The following HNRNPC variants were observed in gnomAD, a reference collection of about 807,000 sequenced individuals.
HNRNPC encodes the protein heterogeneous nuclear ribonucleoproteins C1/C2.
HNRNPC carries 3 observed loss-of-function variants against 33.2 expected under a neutral mutation model. The ratio of observed to expected loss-of-function variants is 0.09; its 90% CI spans 0.04 to 0.23. HNRNPC has a LOEUF of 0.23. Ranked by LOEUF, HNRNPC falls within the 10% of genes least tolerant of loss-of-function variation. HNRNPC has a pLI of 1.00. For synonymous variants in HNRNPC, 121 were observed against 126.7 expected, an observed-to-expected ratio of 0.96 and a Z score of 0.30; for missense variants, 143 against 366.7, an observed-to-expected ratio of 0.39 and a Z score of 4.98.
At chr14:21,257,588 G>GT (rs1877451403) in intron 2 of HNRNPC, among the ~76,000 whole-genome samples, 1 of 151,058 alleles carries the variant, frequency 6.6e-6, no homozygotes, top group Admixed American at 6.6e-5. Context: ...GCTCACTTTT[G>GT]TTTTTTTACT....
At chr14:21,256,398 G>A (rs898303945) in intron 2 of HNRNPC, among the ~76,000 whole-genome samples, 5 of 151,822 alleles carry the variant, frequency 3.3e-5, no homozygotes, top group East Asian at 1.9e-4. Context: ...GCGGTGAGCC[G>A]AGCTCGCACC....
intron 5 of HNRNPC, among the ~76,000 whole-genome samples, chr14:21,230,103 T>G (rs1267818659): frequency 3.3e-5 from 5 of 152,164 alleles, no homozygotes; most frequent in Admixed American, 6.5e-5. Context: ...AGAAACGGGT[T>G]TCACCACGTT....
intron 1 of HNRNPC, among the ~76,000 whole-genome samples, chr14:21,267,896 C>T (rs981427989): frequency 1.3e-5 from 2 of 152,060 alleles, no homozygotes; most frequent in African/African-American, 2.4e-5. Context: ...AACAGTTCAG[C>T]ACAATGATAA....
At chr14:21,241,495 T>G (rs1324640785) in intron 2 of HNRNPC, among the ~76,000 whole-genome samples, 1 of 152,234 alleles carries the variant, frequency 6.6e-6, no homozygotes, top group Non-Finnish European at 1.5e-5. Context: ...CACAATTTCT[T>G]AAGTTTCTGA....
At chr14:21,231,174 G>C (rs1594245262) in intron 3 of HNRNPC, 102 bp from the exon 4 acceptor site, 2 of 1,181,288 alleles carry the variant, frequency 1.7e-6, no homozygotes, top group African/African-American at 3.0e-5. Context: ...TCGCTTTCTC[G>C]CTCAGGCTGG....
rs557093260 is a variant in HNRNPC, at chr14:21,211,310, T to C, written c.799-4A>G. On this transcript the variant is annotated splice_polypyrimidine_tract_variant and splice_region_variant and intron_variant, in intron 8 of 8. Coordinates refer to ENST00000553300, the MANE Select transcript of HNRNPC (RefSeq NM_004500.4). ...CATCATCCTTGATCAACTCCAGCTG[T>C]GAGAAACAGACACAAACAGGATGGA... 16 of 1,613,422 alleles carry C rather than the reference T, an allele frequency of 9.9e-6. No individual in the cohort carries two copies. The South Asian group carries it at 1.8e-4, about 18-fold the overall frequency.
At chr14:21,229,666 A>AT (rs1893890280) in intron 5 of HNRNPC, among the ~76,000 whole-genome samples, 1 of 152,208 alleles carries the variant, frequency 6.6e-6, no homozygotes, top group African/African-American at 2.4e-5. Context: ...TGCATGACTG[A>AT]TTAACTCAGT....
intron 4 of HNRNPC, 43 bp from the exon 5 acceptor site, chr14:21,230,409 T>C (rs1335240637): frequency 6.9e-7 from 1 of 1,454,982 alleles, no homozygotes; most frequent in Non-Finnish European, 9.6e-7. Flanking sequence ...GAAATGTTTC[T>C]ACTAATTCAC....
chr14:21,243,270 G>A (rs1284249086), intron 2 of HNRNPC, among the ~76,000 whole-genome samples: 1 of 152,032 alleles, frequency 6.6e-6, no homozygotes, highest in Non-Finnish European at 1.5e-5. Flanking sequence ...ATTCTTAGGA[G>A]ATGCAGCCAC....
rs1162241610 is a variant in HNRNPC at position 21,210,087 on chromosome 14, C to T, written c.*1136G>A. 1.3e-5 allele frequency: 2 copies of T among 152,152 alleles called. No homozygotes were observed. Among genetic ancestry groups the T allele is most frequent in the Non-Finnish European group, 2.9e-5 (2 of 68,024 alleles). The allele number at this position is 152,152 out of a possible 1,614,324, so 9.4% of individuals were successfully genotyped here. A position where few individuals can be genotyped will look rare whatever the true frequency, so the allele number is the denominator to read the frequency against. ...TTTCAGGAACATGGAGGTATATACA[C>T]TTCAGAATTCAGAAGGTAACTGGGG... On this transcript the variant is annotated 3_prime_UTR_variant, in exon 9 of 9. Coordinates refer to ENST00000553300, the MANE Select transcript of HNRNPC (RefSeq NM_004500.4).
chr14:21,234,861 G>A (rs1041393231), intron 2 of HNRNPC: 5 of 111,272 alleles, frequency 4.5e-5, no homozygotes, highest in African/African-American at 1.3e-4. Flanking sequence ...TTAATCTGCA[G>A]TATGCTTTAG....
In HNRNPC at chr14:21,213,105, G is replaced by A. The variant is rs1457248155; in HGVS notation, c.378C>T (p.Tyr126=). Residue 126 remains tyrosine (Y), a synonymous_variant, in exon 6 of 9, where the codon TAC becomes TAT. Coordinates refer to ENST00000553300, the MANE Select transcript of HNRNPC (RefSeq NM_004500.4). ...GAGGAGGAGGAGGTACACGTGCTGGGTAACTGTACATCCTATTGGATAAGA... is the reference window on the plus strand; with the variant it reads ...GAGGAGGAGGAGGTACACGTGCTGGATAACTGTACATCCTATTGGATAAGA... ...QRDYYDRMYS[Y]PARVPPPPPI... is the part of the protein sequence containing the mutation. 3.1e-6 allele frequency: 5 copies of A among 1,614,110 alleles called. No homozygotes were observed. The Admixed American group carries it at 5.0e-5, about 16-fold the overall frequency.
chr14:21,218,209 C>T (rs1371178054), intron 5 of HNRNPC, among the ~76,000 whole-genome samples: 1 of 152,172 alleles, frequency 6.6e-6, no homozygotes, highest in African/African-American at 2.4e-5. Context: ...AGTGATCCAC[C>T]AGCCTCACCC....
At chr14:21,266,542 C>T (rs949022119) in intron 1 of HNRNPC, among the ~76,000 whole-genome samples, 1 of 151,546 alleles carries the variant, frequency 6.6e-6, no homozygotes, top group African/African-American at 2.4e-5. Context: ...ACCAAAGAAA[C>T]CTTTTTTCCT....
intron 4 of HNRNPC, chr14:21,230,734 A>G: frequency 3.9e-6 from 2 of 507,226 alleles, no homozygotes; most frequent in Non-Finnish European, 6.9e-6. Context: ...TATGCTATAA[A>G]TATCAAACTA....
chr14:21,211,081 G>A lies in HNRNPC; in HGVS notation c.*142C>T. 4.3e-6 allele frequency: 4 copies of A among 929,926 alleles called. No homozygotes were observed. Among genetic ancestry groups the A allele is most frequent in the Non-Finnish European group, 6.6e-6 (4 of 602,846 alleles). The allele number at this position is 929,926 out of a possible 1,614,324, so 57.6% of individuals were successfully genotyped here. A position where few individuals can be genotyped will look rare whatever the true frequency, so the allele number is the denominator to read the frequency against. On this transcript the variant is annotated 3_prime_UTR_variant, in exon 9 of 9. Coordinates refer to ENST00000553300, the MANE Select transcript of HNRNPC (RefSeq NM_004500.4). ...TAGGCGCGGGGCAATATGAATTAAT[G>A]AACATGGGAAGGACAAGGATGGGGA...
intron 2 of HNRNPC, among the ~76,000 whole-genome samples, chr14:21,239,483 A>C (rs930108259): frequency 3.3e-5 from 5 of 151,750 alleles, no homozygotes; most frequent in African/African-American, 9.7e-5. Context: ...TACCTCAAAA[A>C]AAAAATGTCC....
At chr14:21,232,741 G>A (rs938818171) in intron 3 of HNRNPC, among the ~76,000 whole-genome samples, 4 of 152,124 alleles carry the variant, frequency 2.6e-5, no homozygotes, top group Non-Finnish European at 5.9e-5. Context: ...ATGACCAACT[G>A]AAAACTGACT....
At chr14:21,250,726 T>C (rs1316358613) in intron 2 of HNRNPC, among the ~76,000 whole-genome samples, 2 of 152,224 alleles carry the variant, frequency 1.3e-5, no homozygotes, top group Non-Finnish European at 2.9e-5. Flanking sequence ...CACTGTAGTC[T>C]TCAACATTCT....
Sources: gnomAD v4.1 joint callset for allele counts (sites outside exome capture counted in the v4.1 genomes callset) on GRCh38, gnomAD v4.1.1 for gene constraint, MANE v1.5 for transcripts, NCBI Gene and HGNC (gene_info 2026-07-23, HGNC 2026-07-21) for gene names.